Variants in OXCT1 observed in about 807,000 individuals in gnomAD.
The protein encoded by OXCT1 is succinyl-CoA:3-ketoacid coenzyme A transferase 1, mitochondrial.
A neutral mutation model predicts 69.6 loss-of-function variants in OXCT1; 27 were observed. The ratio of observed to expected loss-of-function variants is 0.39; its 90% CI spans 0.29 to 0.54. The LOEUF (loss-of-function observed/expected upper bound fraction) is 0.54, where lower values mean the gene tolerates loss of function less well. Among genes scored for constraint, OXCT1 ranks in the 20% least tolerant of loss-of-function variants. OXCT1 has a pLI of 0.72. For synonymous variants in OXCT1, 202 were observed against 217.8 expected, an observed-to-expected ratio of 0.93 and a Z score of 0.64; for missense variants, 437 against 650.2, an observed-to-expected ratio of 0.67 and a Z score of 3.57.
intron 13 of OXCT1, among the ~76,000 whole-genome samples, chr5:41,791,959 C>T (rs34329864): frequency 0.19 from 28,324 of 152,042 alleles, 2,829 homozygotes; most frequent in Middle Eastern, 0.29. Context: ...CATGCCACCA[C>T]GCCCGGCTAA....
Position 41,770,278 on chromosome 5 carries a change from G to GA in OXCT1, c.1249-8079dup, listed in dbSNP as rs553663142. Reference sequence around the variant, plus strand: ...CCTACAGAGAAAATGATAGCAAGAAGAAAAAAAGAGGTGGCTAAAATAAAA... The same window carrying GA: ...CCTACAGAGAAAATGATAGCAAGAAGAAAAAAAAGAGGTGGCTAAAATAAAA... On this transcript the variant is annotated intron_variant, in intron 13 of 16. Coordinates refer to ENST00000196371, the MANE Select transcript of OXCT1 (RefSeq NM_000436.4). Among the ~76,000 whole-genome samples, 4 of 152,028 alleles carry GA rather than the reference G, an allele frequency of 2.6e-5. No individual in the cohort carries two copies. In the South Asian group the frequency reaches 6.2e-4, roughly 24 times the overall value.
intron 7 of OXCT1, among the ~76,000 whole-genome samples, chr5:41,824,568 G>A (rs1747713181): frequency 6.6e-6 from 1 of 151,870 alleles, no homozygotes; most frequent in Non-Finnish European, 1.5e-5. Flanking sequence ...AAACCAAAGA[G>A]GAAAAATAAG....
At chr5:41,859,866 T>TATATATATATATATATATATGTA (rs753404537) in intron 3 of OXCT1, among the ~76,000 whole-genome samples, 2 of 95,038 alleles carry the variant, frequency 2.1e-5, no homozygotes, top group African/African-American at 3.9e-5. Context: ...AGTATAGTAA[T>TATATATATATATATATATATGTA]ATATATATAT....
intron 1 of OXCT1, among the ~76,000 whole-genome samples, chr5:41,867,369 A>T (rs531210710): frequency 1.3e-5 from 2 of 152,362 alleles, no homozygotes; most frequent in African/African-American, 4.8e-5. Context: ...AAACTTACAA[A>T]CTAGCAAAGA....
chr5:41,827,680 G>C (rs142975679), intron 7 of OXCT1, among the ~76,000 whole-genome samples: 35 of 152,252 alleles, frequency 2.3e-4, no homozygotes, highest in African/African-American at 8.4e-4. Flanking sequence ...GAGGATCGGT[G>C]CAAGACAAGA....
At chr5:41,767,761 T>C (rs1012736725) in intron 13 of OXCT1, among the ~76,000 whole-genome samples, 1 of 138,298 alleles carries the variant, frequency 7.2e-6, no homozygotes, top group East Asian at 2.1e-4. Context: ...TAGTGTCTAC[T>C]ATATATCTGT....
At chr5:41,744,164 G>A (rs866093284) in intron 15 of OXCT1, among the ~76,000 whole-genome samples, 4 of 151,888 alleles carry the variant, frequency 2.6e-5, no homozygotes, top group African/African-American at 7.2e-5. Flanking sequence ...ATTGAGCAGT[G>A]GTTTGAAGAG....
intron 3 of OXCT1, among the ~76,000 whole-genome samples, chr5:41,857,335 C>T (rs912602725): frequency 6.6e-6 from 1 of 152,198 alleles, no homozygotes; most frequent in Non-Finnish European, 1.5e-5. Context: ...TGCAAGGTCC[C>T]ATGTGATCAG....
chr5:41,774,678 G>A (rs1745038714), intron 13 of OXCT1, among the ~76,000 whole-genome samples: 1 of 152,136 alleles, frequency 6.6e-6, no homozygotes, highest in Admixed American at 6.5e-5. Flanking sequence ...GGTGGATCAC[G>A]AGGTCAGGAG....
chr5:41,742,234 A>C (rs1743204629), intron 15 of OXCT1, among the ~76,000 whole-genome samples: 1 of 152,248 alleles, frequency 6.6e-6, no homozygotes, highest in Non-Finnish European at 1.5e-5. Context: ...AATTTAAAAA[A>C]GGAAACTTAC....
At chr5:41,842,621 G>T in intron 6 of OXCT1, 54 bp downstream of exon 6, 2 of 1,198,070 alleles carry the variant, frequency 1.7e-6, no homozygotes, top group South Asian at 1.2e-5. Context: ...TCACTCTGAT[G>T]TCCATTTTTA....
chr5:41,767,637 C>T (rs1208507109), intron 13 of OXCT1, among the ~76,000 whole-genome samples: 1 of 147,142 alleles, frequency 6.8e-6, no homozygotes, highest in Non-Finnish European at 1.5e-5. Context: ...TACTCAGTCA[C>T]GTCTCTAATA....
At chr5:41,740,296 G>A (rs1297942462) in intron 15 of OXCT1, among the ~76,000 whole-genome samples, 3 of 152,190 alleles carry the variant, frequency 2.0e-5, no homozygotes, top group African/African-American at 7.2e-5. Flanking sequence ...GTAATTATAA[G>A]AGGATAGCTA....
At chr5:41,807,848 T>A (rs1276920359) in intron 7 of OXCT1, among the ~76,000 whole-genome samples, 1 of 152,178 alleles carries the variant, frequency 6.6e-6, no homozygotes, top group East Asian at 1.9e-4. Flanking sequence ...AAGACAAAAA[T>A]CTGTAATAAC....
Position 41,870,226 on chromosome 5 carries a change from A to G in OXCT1, c.78+55T>C. The G allele has an allele frequency of 7.3e-7, 1 of 1,378,718 alleles. No homozygotes were observed. The highest frequency in any genetic ancestry group is 1.2e-5 in the South Asian group (1 of 85,674). The allele number at this position is 1,378,718 out of a possible 1,614,324, so 85.4% of individuals were successfully genotyped here. ...AGAGAAGAAAACGCGGGCACCACTC[A>G]GGGTTTGGTCCACGTTCTTCCTGCC... is the stretch of plus-strand genomic sequence containing the variant. On this transcript the variant is annotated intron_variant, in intron 1 of 16. Transcript: ENST00000196371. The surrounding 1 kb of genome is among the most constrained non-coding windows in gnomAD (Gnocchi z 4.2).
At chr5:41,812,070 C>T (rs1018666308) in intron 7 of OXCT1, among the ~76,000 whole-genome samples, 11 of 152,006 alleles carry the variant, frequency 7.2e-5, no homozygotes, top group African/African-American at 2.7e-4. Flanking sequence ...CTCTGTATTG[C>T]CTTCTGGTCA....
chr5:41,794,370 A>G (rs943239566), intron 12 of OXCT1: 10 of 593,342 alleles, frequency 1.7e-5, no homozygotes, highest in Admixed American at 3.1e-5. Context: ...CACAAACACT[A>G]GCTAGAAAGT....
chr5:41,844,942 C>CAAAAA, intron 5 of OXCT1, among the ~76,000 whole-genome samples: 1 of 78,254 alleles, frequency 1.3e-5, no homozygotes, highest in African/African-American at 4.7e-5. Flanking sequence ...GGCTTCCTAG[C>CAAAAA]AAAAAAAAAA....
chr5:41,762,316 G>A lies in OXCT1; in HGVS notation c.1249-116C>T. The A allele has an allele frequency of 3.6e-6, 3 of 832,938 alleles. No individual in the cohort carries two copies. Among genetic ancestry groups the A allele is most frequent in the Non-Finnish European group, 4.2e-6 (2 of 472,880 alleles). The allele number at this position is 832,938 out of a possible 1,614,324, so 51.6% of individuals were successfully genotyped here. ...CATTAAAAACTCATTGTCCTTCATT[G>A]CTTAGTGCTTGAAGTTCTATAACCT... On this transcript the variant is annotated intron_variant, in intron 13 of 16. Coordinates refer to ENST00000196371, the MANE Select transcript of OXCT1 (RefSeq NM_000436.4). This position sits in a 1 kb window ranked among gnomAD's most constrained non-coding sequence, Gnocchi z 4.0.
Sources: gnomAD v4.1 joint callset for allele counts (sites outside exome capture counted in the v4.1 genomes callset) on GRCh38, gnomAD v4.1.1 for gene constraint, Gnocchi (gnomAD v3.1) non-coding constraint, MANE v1.5 for transcripts, NCBI Gene and HGNC (gene_info 2026-07-23, HGNC 2026-07-21) for gene names.